TSPAN15: variants seen among roughly 807,000 people sequenced by gnomAD.
TSPAN15 encodes the protein tetraspanin 15.
TSPAN15 carries 20 observed loss-of-function variants against 34.5 expected under a neutral mutation model. The ratio of observed to expected loss-of-function variants is 0.58; its 90% confidence interval spans 0.41 to 0.84. The LOEUF is 0.84. TSPAN15 is among the 40% of genes least tolerant of loss of function. TSPAN15 has a pLI of 0.00. For synonymous variants in TSPAN15, 155 were observed against 153.9 expected (o/e 1.01, Z -0.05); for missense variants, 313 against 386.1 (o/e 0.81, Z 1.59).
chr10:69,512,020 A>G (rs1338848907), downstream of TSPAN15, among the ~76,000 whole-genome samples: 1 of 152,204 alleles, frequency 6.6e-6, no homozygotes, highest in African/African-American at 2.4e-5. Context: ...GCAAACCACC[A>G]TGGCACATGT....
intron 1 of TSPAN15, among the ~76,000 whole-genome samples, chr10:69,456,734 A>T (rs561600668): frequency 6.6e-6 from 1 of 152,210 alleles, no homozygotes; most frequent in African/African-American, 2.4e-5. Context: ...CTAGCACCCA[A>T]ACTGAGACCC....
chr10:69,543,853 G>A, the TSPAN15 span, among the ~76,000 whole-genome samples: 6 of 88,466 alleles, frequency 6.8e-5, no homozygotes, highest in Admixed American at 1.1e-4. Flanking sequence ...GAGTGTGTGT[G>A]TGTGTGTGTG....
intron 1 of TSPAN15, among the ~76,000 whole-genome samples, chr10:69,481,331 AT>A (rs985801780): frequency 6.6e-6 from 1 of 152,126 alleles, no homozygotes; most frequent in African/African-American, 2.4e-5. Context: ...GGTCTCACTA[AT>A]CCTGGATTAA....
chr10:69,507,766 G>A, downstream of TSPAN15: 1 of 825,572 alleles, frequency 1.2e-6, no homozygotes, highest in Non-Finnish European at 1.6e-6. Flanking sequence ...TGAAGGGGGT[G>A]CATGGGGTGA....
At chr10:69,499,040 C>T (rs1842148133) in intron 5 of TSPAN15, among the ~76,000 whole-genome samples, 1 of 152,208 alleles carries the variant, frequency 6.6e-6, no homozygotes, top group Admixed American at 6.5e-5. Context: ...CCATCCTCTT[C>T]CTCTCCCCAG....
chr10:69,537,263 G>T, the TSPAN15 span, among the ~76,000 whole-genome samples: 1 of 152,162 alleles, frequency 6.6e-6, no homozygotes, highest in African/African-American at 2.4e-5. Flanking sequence ...GCAGCACCGT[G>T]AAAGAGTATG....
the TSPAN15 span, among the ~76,000 whole-genome samples, chr10:69,533,116 G>A: frequency 6.6e-6 from 1 of 152,118 alleles, no homozygotes; most frequent in Non-Finnish European, 1.5e-5. Flanking sequence ...AAAACAGTGT[G>A]GGGAGTCCTT....
At chr10:69,547,087 A>G in the TSPAN15 span, among the ~76,000 whole-genome samples, 1 of 152,154 alleles carries the variant, frequency 6.6e-6, no homozygotes, top group Admixed American at 6.5e-5. Flanking sequence ...CTGTAATCCC[A>G]GCTACTCAGG....
At chr10:69,483,567 C>G (rs10823396) in intron 1 of TSPAN15, 124 bp from the exon 2 acceptor site, 441,174 of 1,024,540 alleles carry the variant, frequency 0.43, 98,787 homozygotes, top group Non-Finnish European at 0.46. Context: ...CTAACAGGGC[C>G]CTTTCTGTGC....
At chr10:69,541,453 T>C in the TSPAN15 span, among the ~76,000 whole-genome samples, 39 of 152,304 alleles carry the variant, frequency 2.6e-4, no homozygotes, top group African/African-American at 8.7e-4. Flanking sequence ...AGGAACTACA[T>C]GCAAGTCCGA....
At chr10:69,530,816 C>CCA in the TSPAN15 span, among the ~76,000 whole-genome samples, 1 of 52,432 alleles carries the variant, frequency 1.9e-5, no homozygotes, top group Admixed American at 2.6e-4. Flanking sequence ...CTCTCTCTCT[C>CCA]TCTCTATATA....
the TSPAN15 span, among the ~76,000 whole-genome samples, chr10:69,519,265 A>AT: frequency 2.0e-5 from 3 of 151,992 alleles, no homozygotes; most frequent in Non-Finnish European, 2.9e-5. Context: ...AATAATAATA[A>AT]AAAAACTATC....
At chr10:69,539,516 A>T in the TSPAN15 span, among the ~76,000 whole-genome samples, 1 of 109,084 alleles carries the variant, frequency 9.2e-6, no homozygotes, top group Admixed American at 9.1e-5. Flanking sequence ...AAGAAGAAGA[A>T]GAAGAAGAAG....
At chr10:69,483,019 C>T (rs2052967) in intron 1 of TSPAN15, among the ~76,000 whole-genome samples, 58,296 of 151,642 alleles carry the variant, frequency 0.38, 11,849 homozygotes, top group Non-Finnish European at 0.45. Flanking sequence ...GACCGAGTCT[C>T]GCTCTGTTGC....
rs1840966074 is a variant in TSPAN15 at position 69,451,533 on chromosome 10, T to C, written c.-62T>C. The C allele has an allele frequency of 3.1e-6, 4 of 1,308,804 alleles. No individual in the cohort carries two copies. In the South Asian group the frequency reaches 6.4e-5, roughly 21 times the overall value. The allele number at this position is 1,308,804 out of a possible 1,614,324, so 81.1% of individuals were successfully genotyped here. On this transcript the variant is annotated 5_prime_UTR_variant, in exon 1 of 8. Transcript: ENST00000373290. ...CAGCCGCAGGTGGGGCCACGAGCGC[T>C]GGCTGAGGGACCGAGCCGGAGAGCC...
chr10:69,459,436 T>C (rs950351990), intron 1 of TSPAN15, among the ~76,000 whole-genome samples: 1 of 151,962 alleles, frequency 6.6e-6, no homozygotes, highest in Admixed American at 6.6e-5. Context: ...GGGATGGGCG[T>C]TTCCACTTTC....
the TSPAN15 span, among the ~76,000 whole-genome samples, chr10:69,546,583 T>C: frequency 0.2 from 30,737 of 152,092 alleles, 3,848 homozygotes; most frequent in Non-Finnish European, 0.28. Context: ...GGGTTCTCAT[T>C]GATTCAACTC....
intron 1 of TSPAN15, among the ~76,000 whole-genome samples, chr10:69,457,900 G>C (rs1841149159): frequency 6.6e-6 from 1 of 152,180 alleles, no homozygotes; most frequent in Non-Finnish European, 1.5e-5. Context: ...TTCTTTTCCT[G>C]CCTTCCTCTC....
At chr10:69,513,044 C>G in the TSPAN15 span, among the ~76,000 whole-genome samples, 1 of 152,100 alleles carries the variant, frequency 6.6e-6, no homozygotes, top group African/African-American at 2.4e-5. Context: ...AATTTTGTAT[C>G]CCCACCAGCA....
Sources: gnomAD v4.1 joint callset for allele counts (sites outside exome capture counted in the v4.1 genomes callset) on GRCh38, gnomAD v4.1.1 for gene constraint, MANE v1.5 for transcripts, NCBI Gene and HGNC (gene_info 2026-07-23, HGNC 2026-07-21) for gene names.